Variants in LGI1 observed in about 807,000 individuals in gnomAD.
The protein encoded by LGI1 is leucine rich glioma inactivated 1.
A neutral mutation model predicts 57.7 loss-of-function variants in LGI1; 11 were observed. That is an observed-to-expected ratio of 0.19 (90% CI 0.12 to 0.32). The LOEUF (loss-of-function observed/expected upper bound fraction) is 0.32, where lower values mean the gene tolerates loss of function less well. Among genes scored for constraint, LGI1 ranks in the 10% least tolerant of loss-of-function variants. The probability of loss-of-function intolerance (pLI) is 1.00; values close to 1 mark genes in which losing one functional copy is unlikely to be tolerated. For missense variants in LGI1, 422 were observed against 661.9 expected (o/e 0.64, Z 3.98); for synonymous variants, 222 against 241.9 (o/e 0.92, Z 0.76).
Position 93,758,465 on chromosome 10 carries a change from C to G in LGI1, c.215+106C>G. Reference sequence around the variant, plus strand: ...TAGAAGGGCATGGAGAGAGAGATTCCTCTTGCATGCTTGGCCATTTGACAG... The same window carrying G: ...TAGAAGGGCATGGAGAGAGAGATTCGTCTTGCATGCTTGGCCATTTGACAG... On this transcript the variant is annotated intron_variant, in intron 1 of 7. Coordinates refer to ENST00000371418, the MANE Select transcript of LGI1 (RefSeq NM_005097.4). This position sits in a 1 kb window ranked among gnomAD's most constrained non-coding sequence, Gnocchi z 4.7. 8.8e-7 allele frequency: 1 copy of G among 1,142,380 alleles called. No individual in the cohort carries two copies. The highest frequency in any genetic ancestry group is 1.2e-5 in the South Asian group (1 of 80,490). The allele number at this position is 1,142,380 out of a possible 1,614,324, so 70.8% of individuals were successfully genotyped here.
chr10:93,789,326 T>C (rs138808001), intron 4 of LGI1: 1 of 152,142 alleles, frequency 6.6e-6, no homozygotes, highest in Non-Finnish European at 1.5e-5. Flanking sequence ...GGAGAAAGGA[T>C]GTACTGGGGA....
At chr10:93,782,077 T>G (rs7067881) in intron 4 of LGI1, among the ~76,000 whole-genome samples, 13,983 of 152,250 alleles carry the variant, frequency 0.092, 1,577 homozygotes, top group African/African-American at 0.27. Context: ...GGGTGATCTC[T>G]GCCACCAGAC....
At chr10:93,783,394 A>G (rs889243454) in intron 4 of LGI1, among the ~76,000 whole-genome samples, 2 of 152,180 alleles carry the variant, frequency 1.3e-5, no homozygotes, top group South Asian at 2.1e-4. Flanking sequence ...AAATAAGTAA[A>G]TAAATAAATA....
chr10:93,773,066 C>A (rs1045099629), intron 2 of LGI1, among the ~76,000 whole-genome samples: 1 of 148,612 alleles, frequency 6.7e-6, no homozygotes, highest in Non-Finnish European at 1.5e-5. Context: ...TGTGACAGAG[C>A]GAGACTTTGT....
chr10:93,758,062 T>C lies in LGI1; in HGVS notation c.-83T>C, dbSNP rs1471426238. On this transcript the variant is annotated 5_prime_UTR_variant, in exon 1 of 8. Transcript: ENST00000371418. The surrounding 1 kb of genome is among the most constrained non-coding windows in gnomAD (Gnocchi z 4.7). ...GAGGCAGAGGAAAAGGGTGGACTCC[T>C]ATGTGACCTGTTCTTAGAGCAAGAC... is the stretch of plus-strand genomic sequence containing the variant. 14 of 1,232,136 alleles carry C rather than the reference T, an allele frequency of 1.1e-5. No individual in the cohort carries two copies. Among genetic ancestry groups the C allele is most frequent in the Admixed American group, 1.8e-5 (1 of 54,896 alleles). 76.3% of individuals were successfully genotyped at this position (1,232,136 alleles called of 1,614,324 possible).
intron 4 of LGI1, among the ~76,000 whole-genome samples, chr10:93,787,498 C>T (rs1157089772): frequency 2.0e-5 from 3 of 152,160 alleles, no homozygotes; most frequent in South Asian, 2.1e-4. Flanking sequence ...CCCATAGCTC[C>T]AAGTCTGCAG....
chr10:93,777,896 C>A (rs912225006), intron 4 of LGI1, among the ~76,000 whole-genome samples: 3 of 152,160 alleles, frequency 2.0e-5, no homozygotes, highest in African/African-American at 7.2e-5. Flanking sequence ...TTATCTACAT[C>A]ATTACTTGCT....
At chr10:93,788,712 A>C (rs1157136061) in intron 4 of LGI1, 2 of 152,234 alleles carry the variant, frequency 1.3e-5, no homozygotes, top group Non-Finnish European at 2.9e-5. Flanking sequence ...GTAATTTCTA[A>C]AACCTAGAAA....
In LGI1 at chr10:93,759,208, G is replaced by A. The variant is rs2059597188; in HGVS notation, c.287+377G>A. The A allele has an allele frequency of 1.2e-5, 3 of 257,718 alleles. No individual in the cohort carries two copies. The Admixed American group carries it at 1.6e-4, about 13-fold the overall frequency. The allele number at this position is 257,718 out of a possible 1,614,324, so 16.0% of individuals were successfully genotyped here. On this transcript the variant is annotated intron_variant, in intron 2 of 7. Coordinates refer to ENST00000371418, the MANE Select transcript of LGI1 (RefSeq NM_005097.4). ...AACCCAGCATAACATATGCGCTCAA[G>A]ATGTTGTCTCCGGGGATCTGGGGCA...
chr10:93,795,961 C>T (rs536503281), intron 7 of LGI1, among the ~76,000 whole-genome samples: 1 of 152,362 alleles, frequency 6.6e-6, no homozygotes, highest in Admixed American at 6.5e-5. Flanking sequence ...CCCGCACTAG[C>T]GCTGTAGTCA....
chr10:93,796,968 G>A lies in LGI1; in HGVS notation c.839G>A (p.Gly280Asp). Residue 280 changes from glycine to aspartate, a missense_variant and splice_region_variant, in exon 8 of 8, where the codon GGC becomes GAC. This residue lies in a region of LGI1 where 301 missense variants were observed against 461.7 expected (regional missense o/e 0.65). Coordinates refer to ENST00000371418, the MANE Select transcript of LGI1 (RefSeq NM_005097.4). ...KTFRNYDNIT[G>D]TSTVVCKPIV... ...TAATCTCTCCTTTGTCTTTTCCCAG[G>A]CACATCCACTGTAGTATGCAAGCCT... is the stretch of plus-strand genomic sequence containing the variant. 1 of 1,610,936 alleles carries A rather than the reference G, an allele frequency of 6.2e-7. No individual in the cohort carries two copies. Among genetic ancestry groups the A allele is most frequent in the South Asian group, 1.1e-5 (1 of 91,008 alleles).
At chr10:93,789,750 T>C in intron 4 of LGI1, 4 of 233,756 alleles carry the variant, frequency 1.7e-5, no homozygotes, top group Non-Finnish European at 3.3e-5. Flanking sequence ...GGCGGGCACA[T>C]GTAATCCCAG....
intron 2 of LGI1, among the ~76,000 whole-genome samples, chr10:93,775,624 A>G (rs538168725): frequency 2.0e-5 from 3 of 152,368 alleles, no homozygotes; most frequent in Non-Finnish European, 2.9e-5. Context: ...GCTAGGGATA[A>G]GAAATGAACA....
chr10:93,769,169 A>T (rs1311160052), intron 2 of LGI1: 3 of 152,088 alleles, frequency 2.0e-5, no homozygotes, highest in Admixed American at 1.3e-4. Context: ...GATAAAGGAG[A>T]GTGTTAGTAA....
intron 5 of LGI1, 100 bp downstream of exon 5, chr10:93,790,270 T>A: frequency 9.3e-7 from 1 of 1,075,430 alleles, no homozygotes; most frequent in Non-Finnish European, 1.3e-6. Context: ...GCTTTTAAAT[T>A]AAAATTAGGA....
At chr10:93,775,478 A>G (rs963245833) in intron 2 of LGI1, among the ~76,000 whole-genome samples, 4 of 152,218 alleles carry the variant, frequency 2.6e-5, no homozygotes, top group African/African-American at 9.6e-5. Context: ...CAAAACAAAT[A>G]AGGGCAAATT....
intron 2 of LGI1, among the ~76,000 whole-genome samples, chr10:93,766,309 A>G (rs1024048058): frequency 2.0e-5 from 3 of 152,262 alleles, no homozygotes; most frequent in Non-Finnish European, 4.4e-5. Context: ...TACAAACTAG[A>G]ATGTATACAT....
At chr10:93,788,770 G>A (rs1210938978) in intron 4 of LGI1, 1 of 152,180 alleles carries the variant, frequency 6.6e-6, no homozygotes, top group Non-Finnish European at 1.5e-5. Flanking sequence ...ATGAATGTTT[G>A]CACTTGAGAA....
intron 4 of LGI1, among the ~76,000 whole-genome samples, chr10:93,781,051 T>C (rs2059842514): frequency 6.6e-6 from 1 of 152,114 alleles, no homozygotes; most frequent in Non-Finnish European, 1.5e-5. Flanking sequence ...TAAGAGACAT[T>C]TACAGATAAC....
Sources: allele counts gnomAD v4.1 joint callset (sites outside exome capture counted in the v4.1 genomes callset), GRCh38; gene constraint gnomAD v4.1.1; regional missense constraint gnomAD v4.1.1; non-coding constraint Gnocchi (gnomAD v3.1); transcripts MANE v1.5; gene names NCBI Gene and HGNC (gene_info 2026-07-23, HGNC 2026-07-21).